SPOCK1: variants seen among roughly 807,000 people sequenced by gnomAD.
SPOCK1 encodes testican-1.
In SPOCK1, 23 loss-of-function variants were observed where a neutral mutation model predicts 55.3. That is an observed-to-expected ratio of 0.42 (90% CI 0.30 to 0.59). The LOEUF is 0.59. SPOCK1 is among the 20% of genes least tolerant of loss of function. The pLI, the probability that SPOCK1 is intolerant of heterozygous loss-of-function variation, is 0.22. For missense variants in SPOCK1, 499 were observed against 552.5 expected, an observed-to-expected ratio of 0.90 and a Z score of 0.97; for synonymous variants, 226 against 221.0, an observed-to-expected ratio of 1.02 and a Z score of -0.20.
intron 2 of SPOCK1, among the ~76,000 whole-genome samples, chr5:137,410,357 T>G (rs923649924): frequency 1.6e-4 from 24 of 152,172 alleles, no homozygotes; most frequent in African/African-American, 5.6e-4. Flanking sequence ...TAAGAACTGA[T>G]CAAGATGTTA....
intron 6 of SPOCK1, among the ~76,000 whole-genome samples, chr5:137,051,462 A>G (rs1243774137): frequency 6.6e-6 from 1 of 152,234 alleles, no homozygotes; most frequent in African/African-American, 2.4e-5. Flanking sequence ...GCCATGACAG[A>G]ACAAAATAGA....
At chr5:137,258,757 G>A (rs752678851) in intron 3 of SPOCK1, among the ~76,000 whole-genome samples, 21 of 152,228 alleles carry the variant, frequency 1.4e-4, no homozygotes, top group African/African-American at 2.9e-4. Context: ...GGATTCGTTC[G>A]TGCTGAAAGA....
At chr5:137,482,004 T>TA (rs1388071371) in intron 2 of SPOCK1, among the ~76,000 whole-genome samples, 1 of 152,196 alleles carries the variant, frequency 6.6e-6, no homozygotes, top group East Asian at 1.9e-4. Context: ...CCCATACTCC[T>TA]ACCCATGCCT....
intron 6 of SPOCK1, among the ~76,000 whole-genome samples, chr5:137,042,995 T>C (rs941743733): frequency 6.6e-6 from 1 of 152,178 alleles, no homozygotes; most frequent in Non-Finnish European, 1.5e-5. Context: ...AATTCCATTC[T>C]ACAATAAAAA....
At position 137,335,738 on chromosome 5, in the gene SPOCK1, G is replaced by A. The variant is rs184625498; in HGVS notation, c.187-68683C>T. 3.6e-3 allele frequency among the ~76,000 whole-genome samples: 543 copies of A among 152,320 alleles called. 2 individuals are homozygous for A. Among genetic ancestry groups the A allele is most frequent in the Non-Finnish European group, 6.7e-3 (454 of 68,020 alleles). ...AAGGGTCAGGCCTTGCACAGGGAAA[G>A]CAAACGTTAATTAACTTGCATATTG... On this transcript the variant is annotated intron_variant, in intron 2 of 10. Transcript: ENST00000394945.
chr5:137,317,472 T>C (rs938511895), intron 2 of SPOCK1, among the ~76,000 whole-genome samples: 2 of 152,148 alleles, frequency 1.3e-5, no homozygotes, highest in African/African-American at 2.4e-5. Flanking sequence ...AGATCAGGAA[T>C]AGGTGAGTTT....
intron 2 of SPOCK1, among the ~76,000 whole-genome samples, chr5:137,319,910 A>G (rs1020117803): frequency 4.2e-5 from 6 of 141,808 alleles, no homozygotes; most frequent in Admixed American, 7.4e-5. Context: ...GCGCCACTGC[A>G]GTCCGCAGTC....
chr5:137,490,415 A>G (rs537384657), intron 2 of SPOCK1, among the ~76,000 whole-genome samples: 2 of 152,348 alleles, frequency 1.3e-5, no homozygotes, highest in South Asian at 4.1e-4. Context: ...TGATGCCAAC[A>G]TGATGCAAAA....
intron 2 of SPOCK1, among the ~76,000 whole-genome samples, chr5:137,485,902 A>C (rs748856317): frequency 6.6e-6 from 1 of 152,206 alleles, no homozygotes; most frequent in Non-Finnish European, 1.5e-5. Context: ...GTAATATTCT[A>C]TCTCCTGATC....
chr5:137,333,637 G>C (rs1278965702), intron 2 of SPOCK1, among the ~76,000 whole-genome samples: 1 of 152,198 alleles, frequency 6.6e-6, no homozygotes, highest in Non-Finnish European at 1.5e-5. Context: ...GACAGTAAGA[G>C]ATCCTTCAGA....
intron 2 of SPOCK1, among the ~76,000 whole-genome samples, chr5:137,343,138 T>C (rs1317761509): frequency 1.3e-5 from 2 of 152,192 alleles, no homozygotes; most frequent in East Asian, 3.8e-4. Flanking sequence ...CCCACAGGTG[T>C]CAGAGTAAGC....
intron 2 of SPOCK1, among the ~76,000 whole-genome samples, chr5:137,346,910 TGA>T (rs1277564351): frequency 1.3e-5 from 2 of 152,198 alleles, no homozygotes; most frequent in South Asian, 2.1e-4. Context: ...CTCCAGAATG[TGA>T]GAGTCAGAAA....
At chr5:137,068,899 T>C (rs143740360) in intron 5 of SPOCK1, among the ~76,000 whole-genome samples, 1 of 152,332 alleles carries the variant, frequency 6.6e-6, no homozygotes, top group African/African-American at 2.4e-5. Flanking sequence ...ATCAGTCCTC[T>C]GCAAAGACCC....
chr5:137,001,582 T>C (rs1751149469), intron 6 of SPOCK1, among the ~76,000 whole-genome samples: 1 of 152,188 alleles, frequency 6.6e-6, no homozygotes, highest in Non-Finnish European at 1.5e-5. Flanking sequence ...GAGTGCAAGG[T>C]TGGGACCCAC....
intron 2 of SPOCK1, among the ~76,000 whole-genome samples, chr5:137,372,701 A>C (rs1751226807): frequency 6.6e-6 from 1 of 152,246 alleles, no homozygotes. Context: ...AGAAGATGAC[A>C]ATGCTAAGCA....
Position 137,496,104 on chromosome 5 carries a change from A to G in SPOCK1, c.186+2269T>C, listed in dbSNP as rs113859877. 1.8e-3 allele frequency among the ~76,000 whole-genome samples: 268 copies of G among 152,328 alleles called. 1 individual carries two copies. Among genetic ancestry groups the G allele is most frequent in the Admixed American group, 2.6e-3 (40 of 15,306 alleles). On this transcript the variant is annotated intron_variant, in intron 2 of 10. Coordinates refer to ENST00000394945, the MANE Select transcript of SPOCK1 (RefSeq NM_004598.4). ...TTTGTTATGTCTTGGACATTTTTATACTATCTAAAGGCAGTATTTCCTAAA... is the reference window on the plus strand; with the variant it reads ...TTTGTTATGTCTTGGACATTTTTATGCTATCTAAAGGCAGTATTTCCTAAA...
chr5:137,066,328 G>C lies in SPOCK1; in HGVS notation c.589+1387C>G, dbSNP rs562886346. Reference sequence around the variant, plus strand: ...TGATTTTTGTATTTTTGGTAGAGATGGGTTTTCGTCATGTTGGCCAGGCTG... The same window carrying C: ...TGATTTTTGTATTTTTGGTAGAGATCGGTTTTCGTCATGTTGGCCAGGCTG... On this transcript the variant is annotated intron_variant, in intron 6 of 10. Coordinates refer to ENST00000394945, the MANE Select transcript of SPOCK1 (RefSeq NM_004598.4). Among the ~76,000 whole-genome samples, 15 of 152,132 alleles carry C rather than the reference G, an allele frequency of 9.9e-5. No homozygotes were observed. The South Asian group carries it at 3.1e-3, about 32-fold the overall frequency.
At chr5:137,437,790 A>C (rs1682287642) in intron 2 of SPOCK1, among the ~76,000 whole-genome samples, 1 of 152,178 alleles carries the variant, frequency 6.6e-6, no homozygotes, top group African/African-American at 2.4e-5. Context: ...GATTATTGTA[A>C]ACTATAGTAA....
intron 2 of SPOCK1, among the ~76,000 whole-genome samples, chr5:137,319,275 T>C (rs1033704950): frequency 6.6e-6 from 1 of 152,236 alleles, no homozygotes; most frequent in Admixed American, 6.5e-5. Flanking sequence ...TAAAAACCCA[T>C]ATAATTCAAT....
Sources: allele counts gnomAD v4.1 joint callset (sites outside exome capture counted in the v4.1 genomes callset), GRCh38; gene constraint gnomAD v4.1.1; transcripts MANE v1.5; gene names NCBI Gene and HGNC (gene_info 2026-07-23, HGNC 2026-07-21).